The following SCPEP1 variants were observed in gnomAD, a reference collection of about 807,000 sequenced individuals.
SCPEP1 encodes the protein retinoid-inducible serine carboxypeptidase.
A neutral mutation model predicts 63.8 loss-of-function variants in SCPEP1; 51 were observed. The ratio of observed to expected loss-of-function variants is 0.80; its 90% CI spans 0.64 to 1.01. The LOEUF (loss-of-function observed/expected upper bound fraction) is 1.01. SCPEP1 is among the 50% of genes least tolerant of loss of function. The pLI is 0.00. For synonymous variants in SCPEP1, 204 were observed against 207.8 expected (o/e 0.98, Z 0.16); for missense variants, 499 against 554.9 (o/e 0.90, Z 1.01).
intron 1 of SCPEP1, among the ~76,000 whole-genome samples, chr17:56,980,713 G>A (rs1318356613): frequency 1.3e-5 from 2 of 149,730 alleles, no homozygotes; most frequent in Non-Finnish European, 3.0e-5. Flanking sequence ...GCTTGAACCC[G>A]GAAGGCAGAG....
intron 3 of SCPEP1, among the ~76,000 whole-genome samples, chr17:56,986,513 C>T (rs1014152777): frequency 3.3e-5 from 5 of 151,336 alleles, no homozygotes; most frequent in Admixed American, 6.6e-5. Flanking sequence ...CCACTGTGCC[C>T]GGCCACTTTC....
intron 2 of SCPEP1, 24 bp from the exon 3 acceptor site, chr17:56,985,348 ATTTTTG>A: frequency 6.3e-7 from 1 of 1,577,364 alleles, no homozygotes; most frequent in Non-Finnish European, 8.7e-7. Flanking sequence ...TCTGACTAAA[ATTTTTG>A]TTTGTTTCTT....
intron 6 of SCPEP1, among the ~76,000 whole-genome samples, chr17:56,992,522 A>G (rs1481108368): frequency 6.6e-6 from 1 of 152,152 alleles, no homozygotes; most frequent in Non-Finnish European, 1.5e-5. Context: ...ATAACTGAGC[A>G]TCCTCACTGG....
chr17:56,992,640 A>G (rs1362540746), intron 6 of SCPEP1, among the ~76,000 whole-genome samples: 4 of 152,210 alleles, frequency 2.6e-5, no homozygotes, highest in Non-Finnish European at 5.9e-5. Flanking sequence ...TACATGTGCT[A>G]ACTTCATGTA....
rs140532080 is a variant in SCPEP1 at position 57,004,878 on chromosome 17, AT to A, written c.1297-1294del. 2.8e-3 allele frequency among the ~76,000 whole-genome samples: 427 copies of A among 152,312 alleles called. 2 individuals are homozygous for A. Among genetic ancestry groups the A allele is most frequent in the African/African-American group, 0.01 (417 of 41,568 alleles). ...TGCCGATAAGCAATCTTTTTCTTGC[AT>A]GTAGTCACACATAAGTACTTCACAG... is the stretch of plus-strand genomic sequence containing the variant. On this transcript the variant is annotated intron_variant, in intron 12 of 12. Coordinates refer to ENST00000262288, the MANE Select transcript of SCPEP1 (RefSeq NM_021626.3).
At chr17:57,000,799 A>G in intron 10 of SCPEP1, 56 bp from the exon 11 acceptor site, 3 of 1,602,162 alleles carry the variant, frequency 1.9e-6, no homozygotes, top group East Asian at 2.2e-5. Context: ...GCTGAAAGGT[A>G]CCTCCTGTTT....
intron 9 of SCPEP1, among the ~76,000 whole-genome samples, chr17:56,997,654 C>T (rs1023566285): frequency 6.6e-6 from 1 of 152,128 alleles, no homozygotes; most frequent in African/African-American, 2.4e-5. Flanking sequence ...TGGTTTTTGA[C>T]AGGTTTCAAG....
chr17:56,997,112 C>A, intron 9 of SCPEP1, 57 bp downstream of exon 9: 7 of 1,074,278 alleles, frequency 6.5e-6, no homozygotes, highest in South Asian at 5.0e-5. Context: ...CAAAAAGAAA[C>A]CTGTTTATTA....
intron 9 of SCPEP1, 66 bp downstream of exon 9, chr17:56,997,121 T>TAA (rs369404186): frequency 6.8e-3 from 4,841 of 715,564 alleles, no homozygotes; most frequent in South Asian, 9.0e-3. Context: ...ACCTGTTTAT[T>TAA]AAAAAAAAAA....
intron 9 of SCPEP1, 183 bp downstream of exon 9, chr17:56,997,238 G>A (rs1271967989): frequency 3.2e-5 from 14 of 439,258 alleles, no homozygotes; most frequent in Non-Finnish European, 4.8e-5. Context: ...CAGTTATGGA[G>A]CATTTCTGTC....
intron 7 of SCPEP1, 120 bp downstream of exon 7, chr17:56,995,138 G>A: frequency 1.2e-6 from 1 of 827,294 alleles, no homozygotes; most frequent in Non-Finnish European, 2.0e-6. Flanking sequence ...GCTTTTTAGG[G>A]ACTAGTCATC....
intron 6 of SCPEP1, 56 bp downstream of exon 6, chr17:56,991,227 G>A: frequency 7.6e-7 from 1 of 1,322,688 alleles, no homozygotes; most frequent in Non-Finnish European, 1.1e-6. Context: ...TCCTTTCCTG[G>A]GACTTTGGGC....
intron 8 of SCPEP1, chr17:56,995,902 T>G: frequency 9.6e-6 from 2 of 209,082 alleles, no homozygotes; most frequent in Non-Finnish European, 9.4e-6. Flanking sequence ...AAAGACTGTC[T>G]TGCAGAGGTG....
At chr17:56,996,940 C>T (rs1481713187) in intron 8 of SCPEP1, 22 bp from the exon 9 acceptor site, 7 of 1,537,874 alleles carry the variant, frequency 4.6e-6, no homozygotes, top group Non-Finnish European at 6.2e-6. Flanking sequence ...AACAAACAGC[C>T]AAATAAACTT....
Position 56,998,639 on chromosome 17 carries a change from T to G in SCPEP1, c.994+141T>G. 2.8e-5 allele frequency: 18 copies of G among 654,046 alleles called. 1 individual carries two copies. The South Asian group carries it at 3.1e-4, about 11-fold the overall frequency. 40.5% of individuals were successfully genotyped at this position (654,046 alleles called of 1,614,324 possible). ...GTAAACAATATTACTATCCACGTTT[T>G]GTAGGTGAGCAAATAGATACAGAGA... On this transcript the variant is annotated intron_variant, in intron 10 of 12. Transcript: ENST00000262288.
Position 56,995,644 on chromosome 17 carries a change from G to T in SCPEP1, c.786+9G>T. On this transcript the variant is annotated intron_variant, in intron 8 of 12. Transcript: ENST00000262288. ...AAATGATCATTGAACAGGTAAAAAG[G>T]GGAAACACTCAGAGGCGAGCCTGCT... The T allele has an allele frequency of 6.2e-7, 1 of 1,613,246 alleles. No individual in the cohort carries two copies. Among genetic ancestry groups the T allele is most frequent in the Non-Finnish European group, 8.5e-7 (1 of 1,179,636 alleles).
At chr17:57,005,647 A>G (rs1449157632) in intron 12 of SCPEP1, among the ~76,000 whole-genome samples, 1 of 152,252 alleles carries the variant, frequency 6.6e-6, no homozygotes, top group African/African-American at 2.4e-5. Flanking sequence ...AGGAAATTTT[A>G]AAGGACTTAT....
intron 6 of SCPEP1, among the ~76,000 whole-genome samples, chr17:56,992,884 T>A (rs1373451244): frequency 6.6e-6 from 1 of 152,240 alleles, no homozygotes; most frequent in Non-Finnish European, 1.5e-5. Flanking sequence ...TTATTCATTG[T>A]GTTTGGAATC....
intron 4 of SCPEP1, 106 bp from the exon 5 acceptor site, chr17:56,988,110 G>A (rs1173267613): frequency 7.4e-6 from 7 of 944,734 alleles, no homozygotes; most frequent in Admixed American, 4.4e-5. Flanking sequence ...AGACAAAGCA[G>A]ATTTGTTTTT....
Sources: gnomAD v4.1 joint callset for allele counts (sites outside exome capture counted in the v4.1 genomes callset) on GRCh38, gnomAD v4.1.1 for gene constraint, MANE v1.5 for transcripts, NCBI Gene and HGNC (gene_info 2026-07-23, HGNC 2026-07-21) for gene names.